ZEB2: variants seen among roughly 807,000 people sequenced by gnomAD.
ZEB2 encodes the protein zinc finger E-box binding homeobox 2.
Under a neutral mutation model 99.9 loss-of-function variants are expected in ZEB2, and 6 were observed. The ratio of observed to expected loss-of-function variants is 0.06; its 90% CI spans 0.03 to 0.12. The LOEUF is 0.12. ZEB2 is among the 10% of genes least tolerant of loss of function. The probability of loss-of-function intolerance (pLI) is 1.00; values close to 1 mark genes in which losing one functional copy is unlikely to be tolerated. For missense variants in ZEB2, 969 were observed against 1,502.8 expected (o/e 0.64, Z 5.87); for synonymous variants, 517 against 542.5 (o/e 0.95, Z 0.65).
At chr2:144,421,328 T>C (rs1184382347) in intron 4 of ZEB2, among the ~76,000 whole-genome samples, 1 of 152,158 alleles carries the variant, frequency 6.6e-6, no homozygotes, top group East Asian at 1.9e-4. Flanking sequence ...GAGCAAGACT[T>C]GGGAGCAGAG....
chr2:144,401,105 C>G, intron 7 of ZEB2, 94 bp downstream of exon 7: 2 of 1,168,100 alleles, frequency 1.7e-6, no homozygotes, highest in Non-Finnish European at 2.6e-6. Flanking sequence ...TTCCAAAAAG[C>G]TACAAATAGG....
At position 144,519,998 on chromosome 2, in the gene ZEB2, C is replaced by A. The variant is rs1258844060; in HGVS notation, c.-129G>T. On this transcript the variant is annotated 5_prime_UTR_variant, in exon 1 of 10. Coordinates refer to ENST00000627532, the MANE Select transcript of ZEB2 (RefSeq NM_014795.4). ...GGTGAGAAGAAAAAGCATGAAGAAG[C>A]CGCGAAGTGTGGGGGAGAAAAAGGT... The A allele has an allele frequency of 2.2e-6, 1 of 454,486 alleles. No homozygotes were observed. The highest frequency in any genetic ancestry group is 2.3e-5 in the Admixed American group (1 of 42,566). The allele number at this position is 454,486 out of a possible 1,614,324, so 28.2% of individuals were successfully genotyped here.
At chr2:144,468,796 C>T (rs1294213508) in intron 2 of ZEB2, among the ~76,000 whole-genome samples, 1 of 152,106 alleles carries the variant, frequency 6.6e-6, no homozygotes, top group Non-Finnish European at 1.5e-5. Flanking sequence ...TTTCTACCAC[C>T]AGTGGCTCAT....
Position 144,400,103 on chromosome 2 carries a change from TAGG to T in ZEB2, c.1081_1083del (p.Pro361del). On this transcript the variant is annotated inframe_deletion, in exon 8 of 10. Coordinates refer to ENST00000627532, the MANE Select transcript of ZEB2 (RefSeq NM_014795.4). ...CTTAACTGGGTAATGGCTGAATTAG[TAGG>T]AGAAGAAGAAACAGAATTAGGGGAA... 6.2e-7 allele frequency: 1 copy of T among 1,613,962 alleles called. No individual in the cohort carries two copies. The highest frequency in any genetic ancestry group is 8.5e-7 in the Non-Finnish European group (1 of 1,179,816).
At chr2:144,390,442 T>C (rs762702425) in intron 9 of ZEB2, 2 of 307,400 alleles carry the variant, frequency 6.5e-6, no homozygotes, top group Non-Finnish European at 1.3e-5. Context: ...GATGGCATCA[T>C]CGCTGGCATT....
In ZEB2 at chr2:144,399,741, T is replaced by G. The variant is rs886043609; in HGVS notation, c.1446A>C (p.Glu482Asp). Residue 482 changes from glutamate (E) to aspartate (D), a missense_variant, in exon 8 of 10, where the codon GAA becomes GAC. Coordinates refer to ENST00000627532, the MANE Select transcript of ZEB2 (RefSeq NM_014795.4). The surrounding 1 kb of genome is among the most constrained non-coding windows in gnomAD (Gnocchi z 5.6). ...TGTGATAACCTTTCAACTTTGAAAT[T>G]TCTTCAGCCTTGCAGTCCATTTTTT... is the stretch of plus-strand genomic sequence containing the variant. ...SRQKMDCKAE[E>D]ISKLKGYHMK... 3 of 1,613,738 alleles carry G rather than the reference T, an allele frequency of 1.9e-6. No individual in the cohort carries two copies. The highest frequency in any genetic ancestry group is 3.3e-5 in the Admixed American group (2 of 59,944).
chr2:144,512,801 G>A (rs1220074612), intron 2 of ZEB2: 1 of 1,287,086 alleles, frequency 7.8e-7, no homozygotes, highest in Non-Finnish European at 1.0e-6. Flanking sequence ...CCTTGTGTGT[G>A]TGCAGCGTGA....
At chr2:144,510,687 C>CCTCTCTCTCTCTCTCTCT (rs34688250) in intron 2 of ZEB2, among the ~76,000 whole-genome samples, 16 of 147,974 alleles carry the variant, frequency 1.1e-4, no homozygotes, top group African/African-American at 3.2e-4. Context: ...CTACCCTGTG[C>CCTCTCTCTCTCTCTCTCT]CTCTCTCTCT....
At chr2:144,413,247 C>G (rs1484281943) in intron 4 of ZEB2, among the ~76,000 whole-genome samples, 1 of 152,148 alleles carries the variant, frequency 6.6e-6, no homozygotes, top group African/African-American at 2.4e-5. Context: ...TTGGAAGTGC[C>G]TGGAAACCCC....
chr2:144,476,043 T>C lies in ZEB2; in HGVS notation c.73+41235A>G, dbSNP rs1423982261. Among the ~76,000 whole-genome samples, 3 of 152,234 alleles carry C rather than the reference T, an allele frequency of 2.0e-5. No individual in the cohort carries two copies. The East Asian group carries it at 5.8e-4, about 29-fold the overall frequency. ...TAAAACAGCCAGTGCAAACTGTTTC[T>C]TGATATCTACTTCTCGAGATCTGGT... is the stretch of plus-strand genomic sequence containing the variant. On this transcript the variant is annotated intron_variant, in intron 2 of 9. Transcript: ENST00000627532.
chr2:144,502,928 ATCTCTTTAATAATTTGTCATTTT>A (rs1704895334), intron 2 of ZEB2, among the ~76,000 whole-genome samples: 2 of 151,906 alleles, frequency 1.3e-5, no homozygotes, highest in South Asian at 4.2e-4. Context: ...ATTACTGAAT[ATCTCTTTAATAATTTGTCATTTT>A]AAAAAGTCTA....
At chr2:144,487,504 A>G (rs761067647) in intron 2 of ZEB2, among the ~76,000 whole-genome samples, 5 of 152,332 alleles carry the variant, frequency 3.3e-5, no homozygotes, top group Admixed American at 2.0e-4. Context: ...AGGGAAAGGT[A>G]AAGAAATTGA....
chr2:144,442,732 C>A (rs1261030196), intron 2 of ZEB2, among the ~76,000 whole-genome samples: 1 of 152,002 alleles, frequency 6.6e-6, no homozygotes, highest in Non-Finnish European at 1.5e-5. Flanking sequence ...CCTTACAAAG[C>A]ATGTATATTT....
chr2:144,426,790 C>T (rs1243982283), intron 3 of ZEB2: 1 of 152,144 alleles, frequency 6.6e-6, no homozygotes, highest in African/African-American at 2.4e-5. Flanking sequence ...TGCTTTGATT[C>T]ACTGAGCATC....
intron 2 of ZEB2, among the ~76,000 whole-genome samples, chr2:144,434,178 ATTACAT>A (rs1194912967): frequency 6.6e-6 from 1 of 152,216 alleles, no homozygotes; most frequent in African/African-American, 2.4e-5. Flanking sequence ...GTAAAGGAAA[ATTACAT>A]ATGCAGCTTA....
In ZEB2 at chr2:144,513,239, A is replaced by T. The variant is rs771274172; in HGVS notation, c.73+4039T>A. 27 of 1,287,610 alleles carry T rather than the reference A, an allele frequency of 2.1e-5. No individual in the cohort carries two copies. The South Asian group carries it at 3.3e-4, about 16-fold the overall frequency. 79.8% of individuals were successfully genotyped at this position (1,287,610 alleles called of 1,614,324 possible). ...ACCTCCACTCCTTTAAGGAAGTGGT[A>T]AAGAGTGAGGGCTTATTTTAAACAG... On this transcript the variant is annotated intron_variant, in intron 2 of 9. Coordinates refer to ENST00000627532, the MANE Select transcript of ZEB2 (RefSeq NM_014795.4).
chr2:144,410,294 C>T (rs929751296), intron 4 of ZEB2, among the ~76,000 whole-genome samples: 3 of 152,132 alleles, frequency 2.0e-5, no homozygotes, highest in Non-Finnish European at 4.4e-5. Context: ...TTTTCAGGTC[C>T]CTTTTTGTCA....
At chr2:144,491,066 C>T (rs960074761) in intron 2 of ZEB2, among the ~76,000 whole-genome samples, 2 of 152,232 alleles carry the variant, frequency 1.3e-5, no homozygotes, top group South Asian at 4.1e-4. Context: ...ACCGGAACAG[C>T]TCAGAAGAAG....
chr2:144,486,689 C>T (rs1704601771), intron 2 of ZEB2, among the ~76,000 whole-genome samples: 1 of 152,108 alleles, frequency 6.6e-6, no homozygotes, highest in African/African-American at 2.4e-5. Flanking sequence ...GTAATTTTCA[C>T]ATCTGATTAC....
Sources: allele counts gnomAD v4.1 joint callset (sites outside exome capture counted in the v4.1 genomes callset), GRCh38; gene constraint gnomAD v4.1.1; non-coding constraint Gnocchi (gnomAD v3.1); transcripts MANE v1.5; gene names NCBI Gene and HGNC (gene_info 2026-07-23, HGNC 2026-07-21).